Variants in SYPL1 observed in about 807,000 individuals in gnomAD.
SYPL1 encodes synaptophysin like 1, also known as synaptophysin-like protein 1.
In SYPL1, 6 loss-of-function variants were observed where a neutral mutation model predicts 23.7. The ratio of observed to expected loss-of-function variants is 0.25; its 90% CI spans 0.14 to 0.50. SYPL1 has a LOEUF of 0.50. Ranked by LOEUF, SYPL1 falls within the 20% of genes least tolerant of loss-of-function variation. The probability of loss-of-function intolerance (pLI) is 0.98; values close to 1 mark genes in which losing one functional copy is unlikely to be tolerated. For missense variants in SYPL1, 253 were observed against 288.9 expected (o/e 0.88, Z 0.90); for synonymous variants, 102 against 104.5 (o/e 0.98, Z 0.15).
intron 1 of SYPL1, among the ~76,000 whole-genome samples, chr7:106,105,338 A>G (rs781152907): frequency 2.0e-5 from 3 of 151,472 alleles, no homozygotes; most frequent in Non-Finnish European, 2.9e-5. Flanking sequence ...ATATACTCCT[A>G]CCCCATGAAG....
At position 106,100,407 on chromosome 7, in the gene SYPL1, G is replaced by A. The variant is rs1840253968; in HGVS notation, c.70-1125C>T. 6.6e-6 allele frequency among the ~76,000 whole-genome samples: 1 copy of A among 152,132 alleles called. No homozygotes were observed. The highest frequency in any genetic ancestry group is 2.1e-4 in the South Asian group (1 of 4,828). On this transcript the variant is annotated intron_variant, in intron 1 of 4. Coordinates refer to ENST00000455385, the MANE Select transcript of SYPL1 (RefSeq NM_182715.4). This position sits in a 1 kb window ranked among gnomAD's most constrained non-coding sequence, Gnocchi z 5.1. ...GTTGGAGATTAACAACATAGAAAGT[G>A]TTCATTACATACAAAGTAGATTTAA...
chr7:106,108,050 C>T (rs1840702265), intron 1 of SYPL1, among the ~76,000 whole-genome samples: 1 of 152,066 alleles, frequency 6.6e-6, no homozygotes, highest in Non-Finnish European at 1.5e-5. Flanking sequence ...CAAAACTTAG[C>T]TGGATGTAGT....
chr7:106,092,392 G>C (rs1319696914), intron 4 of SYPL1, among the ~76,000 whole-genome samples: 1 of 152,076 alleles, frequency 6.6e-6, no homozygotes, highest in Non-Finnish European at 1.5e-5. Context: ...AATCTTCCTG[G>C]CTGGGTGTGG....
rs1342687661 is a variant in SYPL1 at position 106,112,312 on chromosome 7, C to G, written c.-104G>C. 18 of 1,313,318 alleles carry G rather than the reference C, an allele frequency of 1.4e-5. No individual in the cohort carries two copies. The highest frequency in any genetic ancestry group is 1.8e-5 in the Non-Finnish European group (18 of 1,021,604). The allele number at this position is 1,313,318 out of a possible 1,614,324, so 81.4% of individuals were successfully genotyped here. Reference sequence around the variant, plus strand: ...CGAGGAAGGGCAGGCGGGGCTGGCGCGCTGGCCGGGCTCGGAGGCGGGCCC... The same window carrying G: ...CGAGGAAGGGCAGGCGGGGCTGGCGGGCTGGCCGGGCTCGGAGGCGGGCCC... On this transcript the variant is annotated 5_prime_UTR_variant, in exon 1 of 5. Transcript: ENST00000455385.
At chr7:106,102,797 A>AT (rs917565585) in intron 1 of SYPL1, among the ~76,000 whole-genome samples, 138 of 152,344 alleles carry the variant, frequency 9.1e-4, no homozygotes, top group African/African-American at 3.2e-3. Context: ...ACAGCAATAG[A>AT]TAACTAATAC....
At position 106,109,885 on chromosome 7, in the gene SYPL1, C is replaced by A. The variant is rs1790059154; in HGVS notation, c.69+2255G>T. ...CAGATTTCCCTTCCTCCAATTCTAGCCTTTCCAATTCATCCTTTTAGAAAT... is the reference window on the plus strand; with the variant it reads ...CAGATTTCCCTTCCTCCAATTCTAGACTTTCCAATTCATCCTTTTAGAAAT... On this transcript the variant is annotated intron_variant, in intron 1 of 4. Transcript: ENST00000455385. This position sits in a 1 kb window ranked among gnomAD's most constrained non-coding sequence, Gnocchi z 4.3. Among the ~76,000 whole-genome samples, 1 of 152,134 alleles carries A rather than the reference C, an allele frequency of 6.6e-6. No individual in the cohort carries two copies. The highest frequency in any genetic ancestry group is 6.5e-5 in the Admixed American group (1 of 15,280).
Position 106,091,749 on chromosome 7 carries a change from T to C in SYPL1, c.*56A>G. The stretch of plus-strand genomic sequence containing the variant: ...GAAACAAATAATGCTTCTCAAGGTG[T>C]TGGCAACATGTCATAGTATCAACAT... On this transcript the variant is annotated 3_prime_UTR_variant, in exon 5 of 5. Coordinates refer to ENST00000455385, the MANE Select transcript of SYPL1 (RefSeq NM_182715.4). This position sits in a 1 kb window ranked among gnomAD's most constrained non-coding sequence, Gnocchi z 5.0. 1 of 1,540,192 alleles carries C rather than the reference T, an allele frequency of 6.5e-7. No individual in the cohort carries two copies.
intron 3 of SYPL1, 150 bp from the exon 4 acceptor site, chr7:106,093,287 T>C (rs1839853094): frequency 1.5e-6 from 1 of 658,924 alleles, no homozygotes. Context: ...TCAGTCAGCA[T>C]AGTAAACATT....
At chr7:106,102,902 A>G (rs1840401766) in intron 1 of SYPL1, among the ~76,000 whole-genome samples, 1 of 152,218 alleles carries the variant, frequency 6.6e-6, no homozygotes, top group African/African-American at 2.4e-5. Flanking sequence ...AAAACCTGTG[A>G]CCACATGAAA....
In SYPL1 at chr7:106,097,589, TGA is replaced by T. The variant is rs1421823953; in HGVS notation, c.402+99_402+100del. ...GTGGCAAACACAGGCTAAAATATGC[TGA>T]ACTGGCTTACACCAAGAATTTTTAT... On this transcript the variant is annotated intron_variant, in intron 3 of 4. Coordinates refer to ENST00000455385, the MANE Select transcript of SYPL1 (RefSeq NM_182715.4). This position sits in a 1 kb window ranked among gnomAD's most constrained non-coding sequence, Gnocchi z 4.6. 16 of 1,087,002 alleles carry T rather than the reference TGA, an allele frequency of 1.5e-5. No homozygotes were observed. In the East Asian group the frequency reaches 4.2e-4, roughly 29 times the overall value. 67.3% of individuals were successfully genotyped at this position (1,087,002 alleles called of 1,614,324 possible). A position where few individuals can be genotyped will look rare whatever the true frequency, so the allele number is the denominator to read the frequency against.
intron 1 of SYPL1, among the ~76,000 whole-genome samples, 200 bp from the exon 2 acceptor site, chr7:106,099,482 C>T (rs1840202052): frequency 6.6e-6 from 1 of 152,152 alleles, no homozygotes; most frequent in Admixed American, 6.5e-5. Flanking sequence ...GCCTTGGCCT[C>T]CCAGGCTCAA....
rs1840493469 is a variant in SYPL1 at position 106,104,548 on chromosome 7, T to C, written c.70-5266A>G. Among the ~76,000 whole-genome samples, 1 of 152,228 alleles carries C rather than the reference T, an allele frequency of 6.6e-6. No homozygotes were observed. The highest frequency in any genetic ancestry group is 1.5e-5 in the Non-Finnish European group (1 of 68,044). On this transcript the variant is annotated intron_variant, in intron 1 of 4. Transcript: ENST00000455385. This position sits in a 1 kb window ranked among gnomAD's most constrained non-coding sequence, Gnocchi z 4.1. The stretch of plus-strand genomic sequence containing the variant: ...ACCTGGTTTTGTTTAGGATTTTCAG[T>C]GACTAGCAGAAAACCTGGCACATAG...
intron 1 of SYPL1, chr7:106,111,925 G>A (rs1563343680): frequency 9.8e-6 from 4 of 409,748 alleles, no homozygotes; most frequent in East Asian, 7.3e-5. Context: ...CCAGGCGGCC[G>A]AGGAGCTCGT....
chr7:106,112,529 T>G (rs775560792), upstream of SYPL1: 12 of 1,515,686 alleles, frequency 7.9e-6, no homozygotes, highest in South Asian at 2.5e-5. Flanking sequence ...TTGGGCGCCA[T>G]ACTGCGTGCG....
chr7:106,112,555 T>C, upstream of SYPL1: 2 of 1,497,324 alleles, frequency 1.3e-6, no homozygotes, highest in Non-Finnish European at 8.9e-7. Context: ...CCCCCTTCCC[T>C]GCGGTTCAGC....
intron 3 of SYPL1, among the ~76,000 whole-genome samples, chr7:106,094,736 A>T (rs1049518134): frequency 6.6e-6 from 1 of 152,162 alleles, no homozygotes; most frequent in Non-Finnish European, 1.5e-5. Flanking sequence ...TGATCAATAT[A>T]TGTCAAATCC....
chr7:106,107,141 T>C (rs1722926759), intron 1 of SYPL1, among the ~76,000 whole-genome samples: 1 of 152,326 alleles, frequency 6.6e-6, no homozygotes, highest in South Asian at 2.1e-4. Context: ...AAGAAATGTA[T>C]GCTGGTTTTA....
At chr7:106,101,198 A>G (rs1431079193) in intron 1 of SYPL1, among the ~76,000 whole-genome samples, 1 of 152,180 alleles carries the variant, frequency 6.6e-6, no homozygotes, top group Non-Finnish European at 1.5e-5. Flanking sequence ...TGCTTGACAC[A>G]GTACTTAATT....
intron 1 of SYPL1, among the ~76,000 whole-genome samples, chr7:106,101,798 G>T (rs939404182): frequency 7.0e-6 from 1 of 142,580 alleles, no homozygotes; most frequent in Non-Finnish European, 1.5e-5. Flanking sequence ...AAAAAGAAAA[G>T]AAATGAGATA....
Sources: gnomAD v4.1 joint callset for allele counts (sites outside exome capture counted in the v4.1 genomes callset) on GRCh38, gnomAD v4.1.1 for gene constraint, Gnocchi (gnomAD v3.1) non-coding constraint, MANE v1.5 for transcripts, NCBI Gene and HGNC (gene_info 2026-07-23, HGNC 2026-07-21) for gene names.